EYA4: variants seen among roughly 807,000 people sequenced by gnomAD.
The protein encoded by EYA4 is protein phosphatase EYA4.
EYA4 carries 31 observed loss-of-function variants against 87.9 expected under a neutral mutation model. The ratio of observed to expected loss-of-function variants is 0.35; its 90% CI spans 0.27 to 0.48. The LOEUF is 0.48. EYA4 is among the 20% of genes least tolerant of loss of function. EYA4 has a pLI of 0.99. For synonymous variants in EYA4, 263 were observed against 270.6 expected, an observed-to-expected ratio of 0.97 and a Z score of 0.28; for missense variants, 678 against 761.4, an observed-to-expected ratio of 0.89 and a Z score of 1.29.
intron 3 of EYA4, among the ~76,000 whole-genome samples, chr6:133,424,210 T>C (rs999462954): frequency 7.9e-5 from 12 of 152,186 alleles, no homozygotes; most frequent in African/African-American, 2.9e-4. Flanking sequence ...CCCAGGGCTT[T>C]TACAGACCTC....
At chr6:133,295,116 T>C (rs1220943141) in intron 2 of EYA4, among the ~76,000 whole-genome samples, 2 of 152,308 alleles carry the variant, frequency 1.3e-5, no homozygotes, top group East Asian at 3.9e-4. Flanking sequence ...TAATATGCTA[T>C]GGATGGAAAG....
At chr6:133,263,699 C>T (rs3777797) in intron 1 of EYA4, among the ~76,000 whole-genome samples, 3,308 of 152,264 alleles carry the variant, frequency 0.022, 96 homozygotes, top group African/African-American at 0.066. Context: ...GTACAAGATA[C>T]GCTTCTGAAA....
chr6:133,363,131 G>A (rs964849393), intron 2 of EYA4: 1 of 152,408 alleles, frequency 6.6e-6, no homozygotes. Flanking sequence ...GACCTTACGG[G>A]TGGGGCCTTT....
chr6:133,277,419 C>A (rs1777267663), intron 2 of EYA4, among the ~76,000 whole-genome samples: 1 of 152,202 alleles, frequency 6.6e-6, no homozygotes, highest in South Asian at 2.1e-4. Flanking sequence ...AGCTATAAAT[C>A]AGACTTCCCT....
chr6:133,424,685 A>G (rs1011730510), intron 3 of EYA4, among the ~76,000 whole-genome samples: 2 of 151,206 alleles, frequency 1.3e-5, no homozygotes, highest in African/African-American at 4.9e-5. Context: ...TGCCTTCTCC[A>G]TGGAGTGGGA....
intron 2 of EYA4, among the ~76,000 whole-genome samples, chr6:133,275,898 T>C (rs1777125665): frequency 1.3e-5 from 2 of 152,218 alleles, no homozygotes; most frequent in Non-Finnish European, 2.9e-5. Flanking sequence ...GAAAAAACTA[T>C]GAAATTTGTC....
At chr6:133,397,121 A>G (rs894731276) in intron 3 of EYA4, among the ~76,000 whole-genome samples, 1 of 152,256 alleles carries the variant, frequency 6.6e-6, no homozygotes, top group African/African-American at 2.4e-5. Flanking sequence ...GCTTCTGACA[A>G]TGAACCATGG....
At chr6:133,332,584 G>T (rs556815301) in intron 2 of EYA4, among the ~76,000 whole-genome samples, 9 of 151,804 alleles carry the variant, frequency 5.9e-5, no homozygotes, top group Non-Finnish European at 1.3e-4. Context: ...CGCCAGTGTT[G>T]CCAGGCTGGA....
rs1800923147 is a variant in EYA4 at position 133,530,113 on chromosome 6, T to G, written c.*1308T>G. 1.0e-6 allele frequency: 1 copy of G among 985,234 alleles called. No individual in the cohort carries two copies. Among genetic ancestry groups the G allele is most frequent in the Non-Finnish European group, 1.2e-6 (1 of 829,790 alleles). The allele number at this position is 985,234 out of a possible 1,614,324, so 61.0% of individuals were successfully genotyped here. A position where few individuals can be genotyped will look rare whatever the true frequency, so the allele number is the denominator to read the frequency against. On this transcript the variant is annotated 3_prime_UTR_variant, in exon 20 of 20. Coordinates refer to ENST00000355286, the MANE Select transcript of EYA4 (RefSeq NM_004100.5). ...ATGAAAGCAATGAGTCTATGAAAAT[T>G]TTACCTAGAATATCATCATAAATTA...
intron 2 of EYA4, among the ~76,000 whole-genome samples, chr6:133,361,050 C>A (rs1173205865): frequency 6.6e-6 from 1 of 152,136 alleles, no homozygotes; most frequent in Non-Finnish European, 1.5e-5. Context: ...TGAGTAATAC[C>A]TGATACTCCA....
At chr6:133,268,720 G>A (rs763632147) in intron 1 of EYA4, among the ~76,000 whole-genome samples, 1 of 152,138 alleles carries the variant, frequency 6.6e-6, no homozygotes, top group African/African-American at 2.4e-5. Flanking sequence ...AGCTAGGAAA[G>A]GATAAGCAAG....
intron 3 of EYA4, among the ~76,000 whole-genome samples, chr6:133,425,278 A>G (rs1790570215): frequency 6.6e-6 from 1 of 150,806 alleles, no homozygotes; most frequent in African/African-American, 2.5e-5. Flanking sequence ...GGTATTCAGT[A>G]AGTAGGTGTT....
intron 3 of EYA4, among the ~76,000 whole-genome samples, chr6:133,427,414 A>T (rs73561755): frequency 0.069 from 10,496 of 152,222 alleles, 1,053 homozygotes; most frequent in African/African-American, 0.22. Flanking sequence ...CTATTACAGA[A>T]GTGGATAAAT....
intron 19 of EYA4, among the ~76,000 whole-genome samples, chr6:133,527,840 A>G (rs1167412825): frequency 6.6e-6 from 1 of 152,214 alleles, no homozygotes; most frequent in Admixed American, 6.5e-5. Flanking sequence ...AGAAGATGTC[A>G]TCAGCCCAAA....
rs1283722822 is a variant in EYA4, at chr6:133,462,431, C to T, written c.534C>T (p.Tyr178=). ...CGGGGATGCAGCAGCCAGCCGTCTA[C>T]ACAGCCTACTCACAGACAGGACAGC... ...QYSGMQQPAV[Y]TAYSQTGQPY... Residue 178 remains tyrosine, a synonymous_variant, in exon 8 of 20, where the codon TAC becomes TAT. Coordinates refer to ENST00000355286, the MANE Select transcript of EYA4 (RefSeq NM_004100.5). The T allele has an allele frequency of 6.2e-7, 1 of 1,614,082 alleles. No individual in the cohort carries two copies. Among genetic ancestry groups the T allele is most frequent in the Non-Finnish European group, 8.5e-7 (1 of 1,179,954 alleles).
At chr6:133,280,565 T>G (rs1365995432) in intron 2 of EYA4, among the ~76,000 whole-genome samples, 2 of 151,920 alleles carry the variant, frequency 1.3e-5, no homozygotes, top group African/African-American at 4.8e-5. Flanking sequence ...CCCAGATAAT[T>G]TTTTGTATTT....
chr6:133,496,773 C>T (rs1797681393), intron 13 of EYA4, among the ~76,000 whole-genome samples: 1 of 152,154 alleles, frequency 6.6e-6, no homozygotes. Context: ...TATCATCTAC[C>T]TCCTAGGTTA....
At chr6:133,279,113 C>T (rs1355206348) in intron 2 of EYA4, among the ~76,000 whole-genome samples, 3 of 152,054 alleles carry the variant, frequency 2.0e-5, no homozygotes, top group Admixed American at 6.6e-5. Flanking sequence ...CCAAAACATT[C>T]ATATCAACAT....
chr6:133,391,244 G>A (rs1275641717), intron 3 of EYA4, among the ~76,000 whole-genome samples: 32 of 49,380 alleles, frequency 6.5e-4, no homozygotes, highest in Non-Finnish European at 1.6e-3. Flanking sequence ...TTTTTGAGAT[G>A]GAGTTTCGCT....
Sources: gnomAD v4.1 joint callset for allele counts (sites outside exome capture counted in the v4.1 genomes callset) on GRCh38, gnomAD v4.1.1 for gene constraint, MANE v1.5 for transcripts, NCBI Gene and HGNC (gene_info 2026-07-23, HGNC 2026-07-21) for gene names.